The following GALNTL6 variants were observed in gnomAD, a reference collection of about 807,000 sequenced individuals.
GALNTL6 encodes polypeptide N-acetylgalactosaminyltransferase-like 6.
A neutral mutation model predicts 73.7 loss-of-function variants in GALNTL6; 46 were observed. The ratio of observed to expected loss-of-function variants is 0.62; its 90% CI spans 0.49 to 0.80. The LOEUF is 0.80. Among genes scored for constraint, GALNTL6 ranks in the 30% least tolerant of loss-of-function variants. The pLI, the probability that GALNTL6 is intolerant of heterozygous loss-of-function variation, is 0.00. For missense variants in GALNTL6, 604 were observed against 755.0 expected, an observed-to-expected ratio of 0.80 and a Z score of 2.34; for synonymous variants, 259 against 263.7, an observed-to-expected ratio of 0.98 and a Z score of 0.17.
At chr4:172,664,366 A>G (rs1731547076) in intron 5 of GALNTL6, among the ~76,000 whole-genome samples, 1 of 152,186 alleles carries the variant, frequency 6.6e-6, no homozygotes, top group African/African-American at 2.4e-5. Context: ...TCAGCTTGTG[A>G]TTCATTTGAC....
intron 2 of GALNTL6, among the ~76,000 whole-genome samples, chr4:172,157,318 G>A (rs1045939997): frequency 6.6e-6 from 1 of 152,172 alleles, no homozygotes; most frequent in South Asian, 2.1e-4. Flanking sequence ...ACTAGGATTT[G>A]TTTTTATTAC....
At chr4:172,249,833 T>A (rs1298757508) in intron 3 of GALNTL6, among the ~76,000 whole-genome samples, 1 of 152,208 alleles carries the variant, frequency 6.6e-6, no homozygotes, top group Non-Finnish European at 1.5e-5. Context: ...TGGAAACACC[T>A]GGACATCCAG....
At chr4:171,921,506 C>T (rs1273594797) in intron 2 of GALNTL6, among the ~76,000 whole-genome samples, 2 of 152,006 alleles carry the variant, frequency 1.3e-5, no homozygotes, top group African/African-American at 4.8e-5. Context: ...TTATAAAGAG[C>T]ACAAGATATT....
intron 2 of GALNTL6, among the ~76,000 whole-genome samples, chr4:171,832,765 G>A (rs1042195024): frequency 6.6e-6 from 1 of 151,564 alleles, no homozygotes; most frequent in African/African-American, 2.4e-5. Context: ...TTAATTATGA[G>A]CCCAAGCAAA....
intron 5 of GALNTL6, among the ~76,000 whole-genome samples, chr4:172,372,845 A>T (rs1742869939): frequency 6.6e-6 from 1 of 152,122 alleles, no homozygotes; most frequent in South Asian, 2.1e-4. Context: ...ATTCCAAGGA[A>T]CACCTGCAAC....
At chr4:172,566,885 A>C (rs966446058) in intron 5 of GALNTL6, among the ~76,000 whole-genome samples, 1 of 152,100 alleles carries the variant, frequency 6.6e-6, no homozygotes, top group Non-Finnish European at 1.5e-5. Flanking sequence ...ATTATGCACA[A>C]TTACACACCA....
intron 3 of GALNTL6, among the ~76,000 whole-genome samples, chr4:172,264,469 A>AAT (rs33961476): frequency 2.7e-3 from 376 of 137,862 alleles, no homozygotes; most frequent in African/African-American, 8.0e-3. Context: ...ATATATTCCA[A>AAT]ATATATATAT....
At chr4:172,655,794 A>G (rs1730967344) in intron 5 of GALNTL6, among the ~76,000 whole-genome samples, 1 of 152,216 alleles carries the variant, frequency 6.6e-6, no homozygotes, top group Non-Finnish European at 1.5e-5. Flanking sequence ...GATAAGTTAA[A>G]TGTATCATCA....
rs571767176 is a variant in GALNTL6 at position 171,832,089 on chromosome 4, A to G, written c.138+17371A>G. On this transcript the variant is annotated intron_variant, in intron 2 of 12. Coordinates refer to ENST00000506823, the MANE Select transcript of GALNTL6 (RefSeq NM_001034845.3). The stretch of plus-strand genomic sequence containing the variant: ...TTTATTATATTTTATGTAGTTATAC[A>G]CAATGCCAATTCCCTATGATATTTT... Among the ~76,000 whole-genome samples the G allele has an allele frequency of 2.0e-5, 3 of 151,544 alleles. No homozygotes were observed. In the East Asian group the frequency reaches 5.8e-4, roughly 29 times the overall value.
intron 4 of GALNTL6, among the ~76,000 whole-genome samples, chr4:172,325,558 C>G (rs933967845): frequency 6.6e-6 from 1 of 151,796 alleles, no homozygotes; most frequent in African/African-American, 2.4e-5. Flanking sequence ...TAATGTTTGA[C>G]AGTTAAAGCA....
intron 5 of GALNTL6, among the ~76,000 whole-genome samples, chr4:172,405,290 A>G (rs566432668): frequency 1.8e-4 from 27 of 149,256 alleles, no homozygotes; most frequent in African/African-American, 6.3e-4. Context: ...ACATACTTAT[A>G]TGTACTTCAA....
At chr4:172,774,895 G>A (rs1001401250) in intron 5 of GALNTL6, among the ~76,000 whole-genome samples, 37 of 151,812 alleles carry the variant, frequency 2.4e-4, no homozygotes, top group Non-Finnish European at 1.8e-4. Context: ...TGGAGGCAGA[G>A]GTTGCAGTGA....
intron 5 of GALNTL6, among the ~76,000 whole-genome samples, chr4:172,433,090 T>C (rs1047708911): frequency 6.6e-6 from 1 of 152,164 alleles, no homozygotes; most frequent in African/African-American, 2.4e-5. Context: ...CTTTGAATGT[T>C]TGAGTTATGA....
intron 5 of GALNTL6, among the ~76,000 whole-genome samples, chr4:172,475,428 G>A (rs1467139895): frequency 6.6e-6 from 1 of 151,654 alleles, no homozygotes; most frequent in Admixed American, 6.6e-5. Context: ...TCATGGACAA[G>A]GTTGGCAGAA....
intron 5 of GALNTL6, among the ~76,000 whole-genome samples, chr4:172,434,256 G>T (rs956591815): frequency 2.6e-5 from 4 of 151,944 alleles, no homozygotes; most frequent in Non-Finnish European, 4.4e-5. Context: ...GACATATTTG[G>T]ATATTCACTT....
At chr4:171,869,439 A>T (rs1736073592) in intron 2 of GALNTL6, among the ~76,000 whole-genome samples, 1 of 152,048 alleles carries the variant, frequency 6.6e-6, no homozygotes, top group African/African-American at 2.4e-5. Context: ...CTTGCTTGGC[A>T]CACCCCTGCC....
intron 2 of GALNTL6, among the ~76,000 whole-genome samples, chr4:171,885,627 G>A (rs999590531): frequency 3.3e-5 from 5 of 151,952 alleles, no homozygotes; most frequent in Admixed American, 3.3e-4. Context: ...GAAACACAGT[G>A]AGACCCTGTC....
At chr4:171,910,504 T>G (rs1429664835) in intron 2 of GALNTL6, among the ~76,000 whole-genome samples, 1 of 151,976 alleles carries the variant, frequency 6.6e-6, no homozygotes, top group Non-Finnish European at 1.5e-5. Flanking sequence ...TTTTTTTTAA[T>G]CATTAAAGCA....
At chr4:171,964,101 G>A (rs1383855834) in intron 2 of GALNTL6, among the ~76,000 whole-genome samples, 2 of 152,032 alleles carry the variant, frequency 1.3e-5, no homozygotes, top group Admixed American at 1.3e-4. Flanking sequence ...TTTTCTCACT[G>A]CCCAGTGGAA....
Sources: gnomAD v4.1 joint callset for allele counts (sites outside exome capture counted in the v4.1 genomes callset) on GRCh38, gnomAD v4.1.1 for gene constraint, MANE v1.5 for transcripts, NCBI Gene and HGNC (gene_info 2026-07-23, HGNC 2026-07-21) for gene names.